Variants in RNF152 observed in about 807,000 individuals in gnomAD.
RNF152 encodes E3 ubiquitin-protein ligase RNF152.
Under a neutral mutation model 12.7 loss-of-function variants are expected in RNF152, and 11 were observed. The observed-to-expected ratio is 0.86, with a 90% CI of 0.54 to 1.43. RNF152 has a LOEUF of 1.43. RNF152 is among the 40% of genes most tolerant of loss of function. The pLI, the probability that RNF152 is intolerant of heterozygous loss-of-function variation, is 0.00. For synonymous variants in RNF152, 113 were observed against 120.3 expected, an observed-to-expected ratio of 0.94 and a Z score of 0.40; for missense variants, 255 against 274.8, an observed-to-expected ratio of 0.93 and a Z score of 0.51.
At chr18:61,887,297 G>A (rs1912744127) in intron 1 of RNF152, among the ~76,000 whole-genome samples, 1 of 152,216 alleles carries the variant, frequency 6.6e-6, no homozygotes, top group Non-Finnish European at 1.5e-5. Flanking sequence ...CTGGAGTGGG[G>A]TGGGAAAGCC....
intron 1 of RNF152, among the ~76,000 whole-genome samples, chr18:61,854,754 G>C (rs538740924): frequency 6.6e-6 from 1 of 152,136 alleles, no homozygotes; most frequent in Non-Finnish European, 1.5e-5. Context: ...ACCCAGTGCT[G>C]AATCATGGCC....
At chr18:61,820,111 C>T (rs1385789724) in intron 1 of RNF152, among the ~76,000 whole-genome samples, 5 of 149,214 alleles carry the variant, frequency 3.4e-5, no homozygotes, top group South Asian at 2.1e-4. Flanking sequence ...AGGCGGATCA[C>T]GAGGTCAGGA....
intron 1 of RNF152, among the ~76,000 whole-genome samples, chr18:61,847,254 C>G (rs1204052407): frequency 6.6e-6 from 1 of 152,166 alleles, no homozygotes; most frequent in African/African-American, 2.4e-5. Flanking sequence ...AACAGGGCAG[C>G]AAGCTTTAAC....
intron 1 of RNF152, among the ~76,000 whole-genome samples, chr18:61,862,904 A>G (rs926707231): frequency 6.6e-6 from 1 of 152,112 alleles, no homozygotes; most frequent in Non-Finnish European, 1.5e-5. Flanking sequence ...GTGGGCTCTG[A>G]CATTATCTCT....
At chr18:61,891,029 T>C (rs1434263792) in intron 1 of RNF152, among the ~76,000 whole-genome samples, 1 of 152,192 alleles carries the variant, frequency 6.6e-6, no homozygotes, top group Admixed American at 6.5e-5. Context: ...GGTCTTCCTA[T>C]AGGGAGTTCA....
intron 1 of RNF152, among the ~76,000 whole-genome samples, chr18:61,841,039 G>T (rs575238211): frequency 2.0e-5 from 3 of 152,216 alleles, no homozygotes; most frequent in Non-Finnish European, 4.4e-5. Flanking sequence ...CAGGAGGCTG[G>T]CATGGGGTGA....
At chr18:61,845,249 C>T (rs1262850208) in intron 1 of RNF152, among the ~76,000 whole-genome samples, 1 of 152,222 alleles carries the variant, frequency 6.6e-6, no homozygotes, top group East Asian at 1.9e-4. Flanking sequence ...CTGCACCCAC[C>T]CAAGATGATT....
chr18:61,846,190 A>T (rs919595098), intron 1 of RNF152, among the ~76,000 whole-genome samples: 6 of 152,112 alleles, frequency 3.9e-5, no homozygotes, highest in Admixed American at 1.3e-4. Context: ...AAAGATACAC[A>T]CTTCATAATT....
chr18:61,824,368 A>G (rs1485147621), intron 1 of RNF152, among the ~76,000 whole-genome samples: 1 of 152,254 alleles, frequency 6.6e-6, no homozygotes, highest in Non-Finnish European at 1.5e-5. Context: ...ATAATTGCTG[A>G]AAACACTGCT....
At position 61,841,315 on chromosome 18, in the gene RNF152, G is replaced by A. The variant is rs537932584; in HGVS notation, c.-135-24717C>T. 4.8e-4 allele frequency among the ~76,000 whole-genome samples: 73 copies of A among 152,194 alleles called. 1 individual carries two copies. Among genetic ancestry groups the A allele is most frequent in the African/African-American group, 1.6e-3 (68 of 41,534 alleles). Reference sequence around the variant, plus strand: ...GCATGTAATAAATATCTCCAGACCCGCAACATAACATGACACTAGTTATTA... The same window carrying A: ...GCATGTAATAAATATCTCCAGACCCACAACATAACATGACACTAGTTATTA... On this transcript the variant is annotated intron_variant, in intron 1 of 1. Transcript: ENST00000312828.
At position 61,818,266 on chromosome 18, in the gene RNF152, T is replaced by C. The variant is rs547383196; in HGVS notation, c.-135-1668A>G. ...GGTGAAACCCTATCTCTACAAAAAA[T>C]ACAAAAACTAGCCAGGCATGGTGGC... On this transcript the variant is annotated intron_variant, in intron 1 of 1. Coordinates refer to ENST00000312828, the MANE Select transcript of RNF152 (RefSeq NM_173557.3). Among the ~76,000 whole-genome samples the C allele has an allele frequency of 4.2e-4, 64 of 151,850 alleles. 1 individual carries two copies. Among genetic ancestry groups the C allele is most frequent in the Non-Finnish European group, 6.9e-4 (47 of 67,914 alleles).
intron 1 of RNF152, among the ~76,000 whole-genome samples, chr18:61,829,203 C>T (rs1018932155): frequency 3.3e-5 from 5 of 152,106 alleles, no homozygotes; most frequent in South Asian, 2.1e-4. Context: ...CTTCTCCTAG[C>T]GAATATCACT....
At chr18:61,840,505 G>A (rs1374555183) in intron 1 of RNF152, among the ~76,000 whole-genome samples, 1 of 152,216 alleles carries the variant, frequency 6.6e-6, no homozygotes, top group East Asian at 1.9e-4. Flanking sequence ...TTTTAGTCTG[G>A]AAACTCCTAG....
chr18:61,816,374 G>A lies in RNF152; in HGVS notation c.90C>T (p.Cys30=), dbSNP rs1271738327. 1.2e-6 allele frequency: 2 copies of A among 1,614,212 alleles called. No homozygotes were observed. Among genetic ancestry groups the A allele is most frequent in the South Asian group, 1.1e-5 (1 of 91,084 alleles). Residue 30 remains cysteine, a synonymous_variant, in exon 2 of 2, where the codon TGC becomes TGT. Transcript: ENST00000312828. The stretch of plus-strand genomic sequence containing the variant: ...GGCACACTGAACAGCAGGTGTGCTT[G>A]CAGTCCAGCAACTTGGGCCTGCGCC... ...SPRRRPKLLD[C]KHTCCSVCLQ...
intron 1 of RNF152, among the ~76,000 whole-genome samples, chr18:61,831,383 G>A (rs1351710640): frequency 1.3e-5 from 2 of 152,136 alleles, no homozygotes; most frequent in Non-Finnish European, 2.9e-5. Context: ...TCTCTAAGTG[G>A]ACACATTTTA....
rs1599259215 is a variant in RNF152 at position 61,818,144 on chromosome 18, C to T, written c.-135-1546G>A. 2.0e-5 allele frequency among the ~76,000 whole-genome samples: 3 copies of T among 152,256 alleles called. No homozygotes were observed. The South Asian group carries it at 6.2e-4, about 31-fold the overall frequency. On this transcript the variant is annotated intron_variant, in intron 1 of 1. Transcript: ENST00000312828. ...AAGAATGCACCAAAAACCAACCTGGCCGGCGTGGGGGCTCACACCTGCAAT... is the reference window on the plus strand; with the variant it reads ...AAGAATGCACCAAAAACCAACCTGGTCGGCGTGGGGGCTCACACCTGCAAT...
chr18:61,877,339 C>T (rs1912257771), intron 1 of RNF152, among the ~76,000 whole-genome samples: 1 of 152,186 alleles, frequency 6.6e-6, no homozygotes, highest in South Asian at 2.1e-4. Flanking sequence ...TAATCCATGG[C>T]ATTCAGCTGG....
chr18:61,818,034 C>G (rs1432117008), intron 1 of RNF152, among the ~76,000 whole-genome samples: 1 of 152,176 alleles, frequency 6.6e-6, no homozygotes, highest in Non-Finnish European at 1.5e-5. Context: ...TTAAAAGTGA[C>G]CCTTCTTTTT....
At chr18:61,817,214 A>G (rs1432001375) in intron 1 of RNF152, among the ~76,000 whole-genome samples, 1 of 152,242 alleles carries the variant, frequency 6.6e-6, no homozygotes, top group Non-Finnish European at 1.5e-5. Context: ...TTTGAAGAGA[A>G]CAAAACAAAA....
Sources: allele counts gnomAD v4.1 joint callset (sites outside exome capture counted in the v4.1 genomes callset), GRCh38; gene constraint gnomAD v4.1.1; transcripts MANE v1.5; gene names NCBI Gene and HGNC (gene_info 2026-07-23, HGNC 2026-07-21).